Variants in RIMS2 observed in about 807,000 individuals in gnomAD.
RIMS2 encodes regulating synaptic membrane exocytosis protein 2.
A neutral mutation model predicts 174.4 loss-of-function variants in RIMS2; 59 were observed. The ratio of observed to expected loss-of-function variants is 0.34; its 90% CI spans 0.27 to 0.42. The LOEUF (loss-of-function observed/expected upper bound fraction) is 0.42, where lower values mean the gene tolerates loss of function less well. Among genes scored for constraint, RIMS2 ranks in the 10% least tolerant of loss-of-function variants. The pLI is 1.00. For missense variants in RIMS2, 1,620 were observed against 1,666.3 expected, an observed-to-expected ratio of 0.97 and a Z score of 0.48; for synonymous variants, 606 against 572.5, an observed-to-expected ratio of 1.06 and a Z score of -0.84.
At chr8:104,197,180 T>G (rs1299800461) in intron 19 of RIMS2, among the ~76,000 whole-genome samples, 1 of 150,820 alleles carries the variant, frequency 6.6e-6, no homozygotes, top group South Asian at 2.1e-4. Context: ...ACATAAGCTT[T>G]TTTTTTTTTT....
chr8:103,924,869 T>C (rs1336474220), intron 10 of RIMS2, among the ~76,000 whole-genome samples: 1 of 151,670 alleles, frequency 6.6e-6, no homozygotes, highest in African/African-American at 2.4e-5. Flanking sequence ...CTGCTGCTTA[T>C]TATTCTAGAG....
intron 2 of RIMS2, 119 bp downstream of exon 4, chr8:103,697,415 TAA>T (rs1221827201): frequency 1.2e-6 from 1 of 842,670 alleles, no homozygotes; most frequent in East Asian, 2.5e-5. Context: ...AAAAACATTT[TAA>T]AATGCTTGTG....
chr8:104,047,855 G>A (rs910741836), intron 19 of RIMS2, among the ~76,000 whole-genome samples: 2 of 152,038 alleles, frequency 1.3e-5, no homozygotes, highest in Admixed American at 6.5e-5. Context: ...GAAAAACATA[G>A]TTGGGTGGAA....
At chr8:103,525,029 C>T (rs1833305475) in intron 1 of RIMS2, among the ~76,000 whole-genome samples, 1 of 152,164 alleles carries the variant, frequency 6.6e-6, no homozygotes, top group Non-Finnish European at 1.5e-5. Flanking sequence ...CAAATGTAAT[C>T]TTTAGAGAGG....
intron 19 of RIMS2, among the ~76,000 whole-genome samples, chr8:104,165,568 T>C (rs967935930): frequency 6.6e-6 from 1 of 152,154 alleles, no homozygotes; most frequent in Non-Finnish European, 1.5e-5. Flanking sequence ...GAGAACTATG[T>C]AAATTCATTT....
chr8:103,919,821 A>AT (rs1354608491), intron 9 of RIMS2, among the ~76,000 whole-genome samples: 1 of 152,102 alleles, frequency 6.6e-6, no homozygotes, highest in Non-Finnish European at 1.5e-5. Context: ...GTGCTAAATG[A>AT]TTTTATCCAA....
intron 1 of RIMS2, among the ~76,000 whole-genome samples, chr8:103,629,941 CTAACA>C (rs1564085965): frequency 6.6e-6 from 1 of 151,716 alleles, no homozygotes; most frequent in Non-Finnish European, 1.5e-5. Context: ...AGTAAAATAC[CTAACA>C]TATGTGTCCT....
At chr8:104,145,671 C>CAATAAATTAAATAAATAAATAAATA (rs147902805) in intron 19 of RIMS2, among the ~76,000 whole-genome samples, 1 of 132,678 alleles carries the variant, frequency 7.5e-6, no homozygotes, top group African/African-American at 2.9e-5. Flanking sequence ...ACTAAAAATA[C>CAATAAATTAAATAAATAAATAAATA]AATAAATAAA....
At chr8:103,736,785 A>G (rs749779986) in intron 2 of RIMS2, among the ~76,000 whole-genome samples, 1 of 152,222 alleles carries the variant, frequency 6.6e-6, no homozygotes, top group Non-Finnish European at 1.5e-5. Context: ...GTCACTAAAA[A>G]TGACACCTTT....
Position 103,975,362 on chromosome 8 carries a change from A to G in RIMS2, c.2783A>G (p.Asp928Gly), listed in dbSNP as rs199624235. 135 of 1,611,054 alleles carry G rather than the reference A, an allele frequency of 8.4e-5. 2 individuals are homozygous for G. The highest frequency in any genetic ancestry group is 8.8e-5 in the Non-Finnish European group (104 of 1,177,396). Residue 928 changes from aspartate (D) to glycine (G), a missense_variant, in exon 16 of 24, where the codon GAT (aspartate) becomes GGT (glycine). Coordinates refer to ENST00000504942, the Ensembl canonical transcript of RIMS2. ...TTTCTACCTTTAGATTATCGACATG[A>G]TGGTCGAGATCTTCAAAGCTCAACA...
intron 3 of RIMS2, among the ~76,000 whole-genome samples, chr8:103,807,431 G>A (rs1053202870): frequency 2.0e-5 from 3 of 152,060 alleles, no homozygotes; most frequent in African/African-American, 7.2e-5. Context: ...GATTAGTATG[G>A]ATTTAAAAGA....
At chr8:103,604,690 A>C (rs1240717993) in intron 1 of RIMS2, among the ~76,000 whole-genome samples, 5 of 141,852 alleles carry the variant, frequency 3.5e-5, no homozygotes, top group African/African-American at 5.4e-5. Context: ...AGTGGTTTGT[A>C]GTTCTCCTTG....
In RIMS2 at chr8:104,177,122, G is replaced by A. The variant is rs112343269; in HGVS notation, c.3335-67794G>A. On this transcript the variant is annotated intron_variant, in intron 19 of 23. Coordinates refer to ENST00000504942, the Ensembl canonical transcript of RIMS2. ...ATGTATTTCGTTTGCATATAAAGGAGGTAACCACAGTTCTTAAAACTTGAA... is the reference window on the plus strand; with the variant it reads ...ATGTATTTCGTTTGCATATAAAGGAAGTAACCACAGTTCTTAAAACTTGAA... Among the ~76,000 whole-genome samples the A allele has an allele frequency of 4.3e-3, 656 of 152,096 alleles. 3 individuals are homozygous for A. Among genetic ancestry groups the A allele is most frequent in the African/African-American group, 0.015 (611 of 41,518 alleles).
chr8:104,088,556 C>T (rs1297264438), intron 19 of RIMS2, among the ~76,000 whole-genome samples: 2 of 151,930 alleles, frequency 1.3e-5, no homozygotes, highest in African/African-American at 4.8e-5. Flanking sequence ...AATTGGGCTT[C>T]TATATTATCC....
chr8:103,654,880 T>C (rs1400083332), intron 1 of RIMS2, among the ~76,000 whole-genome samples: 1 of 151,986 alleles, frequency 6.6e-6, no homozygotes, highest in Non-Finnish European at 1.5e-5. Context: ...CATAGTAGAA[T>C]AACGAAATAT....
intron 3 of RIMS2, chr8:103,768,633 T>C (rs2098209772): frequency 2.1e-6 from 2 of 957,672 alleles, no homozygotes; most frequent in African/African-American, 3.2e-5. Context: ...AAAAAGGAGA[T>C]AAAAATATTC....
intron 19 of RIMS2, among the ~76,000 whole-genome samples, chr8:104,071,738 G>C (rs1445283730): frequency 6.6e-6 from 1 of 152,072 alleles, no homozygotes; most frequent in Non-Finnish European, 1.5e-5. Context: ...GCCCGGCCGG[G>C]TCCCTGTGTT....
chr8:103,780,714 C>T (rs1564605812), intron 3 of RIMS2, among the ~76,000 whole-genome samples: 1 of 152,082 alleles, frequency 6.6e-6, no homozygotes, highest in Non-Finnish European at 1.5e-5. Flanking sequence ...GCTCACATAT[C>T]ACTCTCTCAG....
intron 12 of RIMS2, among the ~76,000 whole-genome samples, chr8:103,935,446 A>G (rs1375212936): frequency 6.6e-6 from 1 of 152,220 alleles, no homozygotes; most frequent in East Asian, 1.9e-4. Flanking sequence ...TAAAATCTAT[A>G]TTAAACTTAA....
Sources: allele counts gnomAD v4.1 joint callset (sites outside exome capture counted in the v4.1 genomes callset), GRCh38; gene constraint gnomAD v4.1.1; transcripts MANE v1.5; gene names NCBI Gene and HGNC (gene_info 2026-07-23, HGNC 2026-07-21).